The following TMEM272 variants were observed in gnomAD, a reference collection of about 807,000 sequenced individuals.
TMEM272 encodes transmembrane protein 272.
Under a neutral mutation model 3.7 loss-of-function variants are expected in TMEM272, and 8 were observed. The observed-to-expected ratio is 2.17, with a 90% CI of 1.27 to 3.91. TMEM272 has a LOEUF of 3.91. Ranked by LOEUF, TMEM272 falls within the 30% of genes most tolerant of loss-of-function variation. The pLI is 0.00. For missense variants in TMEM272, 166 were observed against 91.5 expected (o/e 1.81, Z -3.32); for synonymous variants, 63 against 39.8 (o/e 1.58, Z -2.20).
the TMEM272 span, among the ~76,000 whole-genome samples, chr13:51,895,789 G>T: frequency 7.2e-5 from 11 of 152,050 alleles, 1 homozygote; most frequent in Admixed American, 6.5e-4. Context: ...TTCCCAATGC[G>T]CCAAATGCTT....
At chr13:51,897,945 C>G in the TMEM272 span, among the ~76,000 whole-genome samples, 1 of 43,506 alleles carries the variant, frequency 2.3e-5, no homozygotes, top group Non-Finnish European at 4.8e-5. Context: ...AAAAAAAGGG[C>G]TGGGCGCGGT....
At chr13:51,915,656 G>C in the TMEM272 span, among the ~76,000 whole-genome samples, 2 of 152,160 alleles carry the variant, frequency 1.3e-5, no homozygotes, top group South Asian at 2.1e-4. Context: ...AGTAGTCCTG[G>C]GTCCTGGAAG....
At chr13:51,920,978 T>C in the TMEM272 span, among the ~76,000 whole-genome samples, 9 of 152,196 alleles carry the variant, frequency 5.9e-5, no homozygotes, top group African/African-American at 2.2e-4. Flanking sequence ...GGATTCCCCT[T>C]AGGCTCAAAC....
the TMEM272 span, among the ~76,000 whole-genome samples, chr13:51,852,708 T>A: frequency 1.3e-5 from 2 of 152,042 alleles, no homozygotes; most frequent in African/African-American, 4.8e-5. Context: ...TGTAACCCCG[T>A]CTCTACTAAA....
At chr13:51,909,075 T>C in the TMEM272 span, 1 of 1,475,796 alleles carries the variant, frequency 6.8e-7, no homozygotes, top group Non-Finnish European at 9.5e-7. Flanking sequence ...TGAGGGACCA[T>C]ATGAGGAATG....
In TMEM272 at chr13:51,814,104, A is replaced by G. The variant is rs924442414; in HGVS notation, c.*2647T>C. 6.6e-6 allele frequency: 1 copy of G among 152,310 alleles called. No homozygotes were observed. Among genetic ancestry groups the G allele is most frequent in the Non-Finnish European group, 1.5e-5 (1 of 68,098 alleles). 9.4% of individuals were successfully genotyped at this position (152,310 alleles called of 1,614,324 possible). A position where few individuals can be genotyped will look rare whatever the true frequency, so the allele number is the denominator to read the frequency against. On this transcript the variant is annotated 3_prime_UTR_variant, in exon 5 of 5. Transcript: ENST00000629372. ...CATGCCAAGGATTATAACTTCTTCTATAACCAGGAACTTCTTACACTCACC... is the reference window on the plus strand; with the variant it reads ...CATGCCAAGGATTATAACTTCTTCTGTAACCAGGAACTTCTTACACTCACC...
rs1956127414 is a variant in TMEM272, at chr13:51,826,592, G to A, written c.92C>T (p.Ala31Val). 2.8e-6 allele frequency: 2 copies of A among 702,452 alleles called. No homozygotes were observed. Among genetic ancestry groups the A allele is most frequent in the African/African-American group, 3.5e-5 (2 of 57,254 alleles). The allele number at this position is 702,452 out of a possible 1,614,324, so 43.5% of individuals were successfully genotyped here. Residue 31 changes from alanine to valine, a missense_variant, in exon 3 of 5, where the codon GCT (alanine) becomes GTT (valine). Physicochemically the swap from Ala to Val is moderately conservative, Grantham distance 64. Coordinates refer to ENST00000629372, the MANE Select transcript of TMEM272 (RefSeq NM_001351003.2). ...TATGAAGGTCATGGACAGCGGCAGA[G>A]CCAGGAAAGCACAGAGCACAACAAC... ...CFVVVLCAFL[A>V]LPLSMTFIGM... is the part of the protein sequence containing the mutation.
the TMEM272 span, among the ~76,000 whole-genome samples, chr13:51,897,035 A>T: frequency 1.3e-5 from 2 of 152,162 alleles, no homozygotes; most frequent in East Asian, 3.9e-4. Context: ...CATAAACTTC[A>T]TGTTCAGGTT....
At chr13:51,829,948 T>C (rs937981222) in intron 2 of TMEM272, among the ~76,000 whole-genome samples, 2 of 152,188 alleles carry the variant, frequency 1.3e-5, no homozygotes, top group African/African-American at 4.8e-5. Context: ...GTCCTCCCTA[T>C]ACCAAAGGAA....
At chr13:51,923,238 C>T in the TMEM272 span, among the ~76,000 whole-genome samples, 1 of 152,350 alleles carries the variant, frequency 6.6e-6, no homozygotes, top group Admixed American at 6.5e-5. Context: ...ACACTTTTGA[C>T]AAACCAAGTC....
At chr13:51,910,733 C>T in the TMEM272 span, 1 of 375,646 alleles carries the variant, frequency 2.7e-6, no homozygotes, top group Admixed American at 3.8e-5. Context: ...CGCCAGGCAA[C>T]CGGAGCGGAC....
At chr13:51,872,204 C>T in the TMEM272 span, among the ~76,000 whole-genome samples, 2 of 151,976 alleles carry the variant, frequency 1.3e-5, no homozygotes, top group Non-Finnish European at 2.9e-5. Flanking sequence ...TTATTAATAT[C>T]CATAGAGAGA....
chr13:51,882,202 G>A, the TMEM272 span, among the ~76,000 whole-genome samples: 4 of 152,222 alleles, frequency 2.6e-5, no homozygotes, highest in African/African-American at 9.6e-5. Flanking sequence ...CAGTCCCTGA[G>A]ATTCTATGAT....
At position 51,832,221 on chromosome 13, in the gene TMEM272, T is replaced by G. The variant is rs559572655; in HGVS notation, c.59-5596A>C. ...CCCGTGATTGTCAGAGGGAGCAGCA[T>G]GGTAGCAGGTGTTAAAGATACGCTG... On this transcript the variant is annotated intron_variant, in intron 2 of 4. Coordinates refer to ENST00000629372, the MANE Select transcript of TMEM272 (RefSeq NM_001351003.2). Among the ~76,000 whole-genome samples, 15 of 152,286 alleles carry G rather than the reference T, an allele frequency of 9.8e-5. No individual in the cohort carries two copies. In the East Asian group the frequency reaches 2.9e-3, roughly 29 times the overall value.
chr13:51,828,109 T>C (rs1956143297), intron 2 of TMEM272, among the ~76,000 whole-genome samples: 1 of 152,158 alleles, frequency 6.6e-6, no homozygotes. Context: ...GAGACATTCA[T>C]CACCCATGGA....
intron 1 of TMEM272, among the ~76,000 whole-genome samples, chr13:51,840,590 G>A (rs1038492456): frequency 2.0e-5 from 3 of 152,194 alleles, no homozygotes; most frequent in East Asian, 1.9e-4. Context: ...CAAAGGCAGC[G>A]CTTTGGATTC....
At chr13:51,828,522 A>C (rs1047496747) in intron 2 of TMEM272, among the ~76,000 whole-genome samples, 6 of 152,040 alleles carry the variant, frequency 3.9e-5, no homozygotes, top group Non-Finnish European at 5.9e-5. Flanking sequence ...AGGCATGCAG[A>C]GTGATTTGCC....
At chr13:51,854,626 C>T in the TMEM272 span, among the ~76,000 whole-genome samples, 11 of 152,258 alleles carry the variant, frequency 7.2e-5, no homozygotes, top group South Asian at 2.3e-3. Context: ...CTAGGCTCTA[C>T]TTCTGTGTAG....
At chr13:51,863,983 G>C in the TMEM272 span, among the ~76,000 whole-genome samples, 2 of 152,194 alleles carry the variant, frequency 1.3e-5, no homozygotes, top group South Asian at 4.1e-4. Flanking sequence ...CTCATCCCTT[G>C]ATTCATGTTT....
Sources: allele counts gnomAD v4.1 joint callset (sites outside exome capture counted in the v4.1 genomes callset), GRCh38; gene constraint gnomAD v4.1.1; transcripts MANE v1.5; gene names NCBI Gene and HGNC (gene_info 2026-07-23, HGNC 2026-07-21).